PPP3CB: variants seen among roughly 807,000 people sequenced by gnomAD.
The protein encoded by PPP3CB is protein phosphatase 3 catalytic subunit beta, also known as serine/threonine-protein phosphatase 2B catalytic subunit beta isoform.
PPP3CB carries 8 observed loss-of-function variants against 66.4 expected under a neutral mutation model. The observed-to-expected ratio is 0.12, with a 90% CI of 0.07 to 0.22. PPP3CB has a LOEUF of 0.22. Among genes scored for constraint, PPP3CB ranks in the 10% least tolerant of loss-of-function variants. The pLI, the probability that PPP3CB is intolerant of heterozygous loss-of-function variation, is 1.00. For missense variants in PPP3CB, 319 were observed against 642.5 expected (o/e 0.50, Z 5.44); for synonymous variants, 208 against 221.2 (o/e 0.94, Z 0.53).
chr10:73,451,784 C>T (rs2056348949), intron 10 of PPP3CB, among the ~76,000 whole-genome samples: 2 of 142,420 alleles, frequency 1.4e-5, no homozygotes, highest in Admixed American at 7.4e-5. Flanking sequence ...CTCCATCTGT[C>T]GCCCAGGCTG....
rs573240658 is a variant in PPP3CB at position 73,459,621 on chromosome 10, C to G, written c.1109-5132G>C. On this transcript the variant is annotated intron_variant, in intron 9 of 13. Coordinates refer to ENST00000360663, the MANE Select transcript of PPP3CB (RefSeq NM_021132.4). ...TGTGCTATATCCATACAATAGACTA[C>G]TATTCCATCATAAAAAGGAATGTTG... is the stretch of plus-strand genomic sequence containing the variant. Among the ~76,000 whole-genome samples the G allele has an allele frequency of 2.0e-5, 3 of 152,364 alleles. No homozygotes were observed. The East Asian group carries it at 5.8e-4, about 29-fold the overall frequency.
chr10:73,454,281 T>C (rs1031705111), intron 10 of PPP3CB, 131 bp downstream of exon 10: 6 of 453,788 alleles, frequency 1.3e-5, no homozygotes, highest in African/African-American at 1.0e-4. Context: ...AAAAAGTAAC[T>C]TGTTACTTAT....
intron 10 of PPP3CB, among the ~76,000 whole-genome samples, chr10:73,451,172 T>C (rs1564550785): frequency 2.6e-5 from 4 of 151,956 alleles, no homozygotes; most frequent in Admixed American, 6.6e-5. Context: ...CTATTTAACA[T>C]ACTATTGCAA....
At position 73,471,173 on chromosome 10, in the gene PPP3CB, T is replaced by C. The variant is rs373930579; in HGVS notation, c.706A>G (p.Met236Val). Residue 236 changes from methionine (M) to valine (V), a missense_variant, in exon 6 of 14, where the codon ATG becomes GTG. By Grantham distance (21) the Met-to-Val change is conservative (BLOSUM62 1). This residue lies in a region of PPP3CB where 120 missense variants were observed against 331.2 expected (regional missense o/e 0.36). Coordinates refer to ENST00000360663, the MANE Select transcript of PPP3CB (RefSeq NM_021132.4). ...RFKEPPAFGP[M>V]CDLLWSDPSE... ...GGATCGGACCATAACAAGTCACACA[T>C]TGGTCCAAATGCAGGTGGCTCTTTG... is the stretch of plus-strand genomic sequence containing the variant. 9 of 1,609,468 alleles carry C rather than the reference T, an allele frequency of 5.6e-6. No homozygotes were observed. The highest frequency in any genetic ancestry group is 5.5e-5 in the South Asian group (5 of 90,730).
chr10:73,456,996 T>A (rs2132845784), intron 9 of PPP3CB, among the ~76,000 whole-genome samples: 1 of 152,152 alleles, frequency 6.6e-6, no homozygotes, highest in East Asian at 1.9e-4. Flanking sequence ...TAAAACCAAC[T>A]GAATTGTATG....
Position 73,452,009 on chromosome 10 carries a change from G to C in PPP3CB, c.1186+2403C>G, listed in dbSNP as rs546571484. Among the ~76,000 whole-genome samples, 397 of 151,756 alleles carry C rather than the reference G, an allele frequency of 2.6e-3. 3 individuals are homozygous for C. The highest frequency in any genetic ancestry group is 4.7e-3 in the Non-Finnish European group (316 of 67,944). The stretch of plus-strand genomic sequence containing the variant: ...GATCCACCCGCCTCAGCCTCCCAAA[G>C]TGCTGGGATTACAGGCGTGAGCCAC... On this transcript the variant is annotated intron_variant, in intron 10 of 13. Coordinates refer to ENST00000360663, the MANE Select transcript of PPP3CB (RefSeq NM_021132.4).
At chr10:73,464,603 A>T (rs1208173763) in intron 9 of PPP3CB, among the ~76,000 whole-genome samples, 1 of 152,168 alleles carries the variant, frequency 6.6e-6, no homozygotes, top group Admixed American at 6.5e-5. Context: ...AAAGTCCATA[A>T]CTTTTATCAG....
chr10:73,476,744 T>A (rs2056795688), intron 3 of PPP3CB, among the ~76,000 whole-genome samples: 2 of 152,178 alleles, frequency 1.3e-5, no homozygotes, highest in South Asian at 4.1e-4. Context: ...TGCCTGAAAT[T>A]TTTTTGTTAA....
rs2056259106 is a variant in PPP3CB, at chr10:73,446,582, A to G, written c.1187-9T>C. On this transcript the variant is annotated splice_polypyrimidine_tract_variant and intron_variant, in intron 10 of 13. Coordinates refer to ENST00000360663, the MANE Select transcript of PPP3CB (RefSeq NM_021132.4). ...CCGGGCTGCAGCTGAACCTACTTTC[A>G]ATGGAATAAATAGAGAGAAAGGCTC... 1 of 1,610,886 alleles carries G rather than the reference A, an allele frequency of 6.2e-7. No individual in the cohort carries two copies. Among genetic ancestry groups the G allele is most frequent in the African/African-American group, 1.3e-5 (1 of 74,792 alleles).
chr10:73,442,357 C>A (rs1564546544), intron 12 of PPP3CB, among the ~76,000 whole-genome samples: 1 of 152,144 alleles, frequency 6.6e-6, no homozygotes, highest in Non-Finnish European at 1.5e-5. Flanking sequence ...AAACAGAAGT[C>A]AACAAAGCAT....
intron 4 of PPP3CB, among the ~76,000 whole-genome samples, chr10:73,473,855 A>G (rs2056742325): frequency 6.6e-6 from 1 of 152,116 alleles, no homozygotes; most frequent in South Asian, 2.1e-4. Context: ...GATATTTAAA[A>G]AAACAAAAAA....
chr10:73,440,912 G>A (rs190114161), intron 12 of PPP3CB, among the ~76,000 whole-genome samples: 28 of 151,806 alleles, frequency 1.8e-4, no homozygotes, highest in Admixed American at 3.9e-4. Flanking sequence ...TCTTTTTTTC[G>A]CTCATTTCTG....
intron 2 of PPP3CB, among the ~76,000 whole-genome samples, chr10:73,479,094 C>A (rs2056835081): frequency 6.6e-6 from 1 of 152,170 alleles, no homozygotes; most frequent in Non-Finnish European, 1.5e-5. Context: ...GAAACCTTCA[C>A]AAAAGCATAT....
intron 10 of PPP3CB, among the ~76,000 whole-genome samples, chr10:73,452,113 A>G (rs1589689245): frequency 6.6e-6 from 1 of 152,168 alleles, no homozygotes; most frequent in East Asian, 1.9e-4. Flanking sequence ...AATTAACATA[A>G]TATCAATTAA....
At chr10:73,468,591 A>G (rs1418311146) in intron 8 of PPP3CB, among the ~76,000 whole-genome samples, 1 of 152,240 alleles carries the variant, frequency 6.6e-6, no homozygotes, top group Non-Finnish European at 1.5e-5. Flanking sequence ...ACATAAAAGT[A>G]TAAAATGTCT....
At chr10:73,480,694 C>G (rs968841048) in intron 1 of PPP3CB, among the ~76,000 whole-genome samples, 1 of 152,172 alleles carries the variant, frequency 6.6e-6, no homozygotes, top group Non-Finnish European at 1.5e-5. Context: ...ATCTGCCCGC[C>G]TTGGCTTCCC....
intron 10 of PPP3CB, among the ~76,000 whole-genome samples, chr10:73,450,545 C>G: frequency 6.6e-6 from 1 of 152,192 alleles, no homozygotes; most frequent in East Asian, 1.9e-4. Flanking sequence ...ATTCCTAAAA[C>G]TTTCTTAGAG....
chr10:73,466,458 T>G (rs547895559), intron 9 of PPP3CB, among the ~76,000 whole-genome samples: 1 of 152,290 alleles, frequency 6.6e-6, no homozygotes, highest in East Asian at 1.9e-4. Flanking sequence ...GTGAGCAGGA[T>G]GAATTATTTA....
intron 1 of PPP3CB, among the ~76,000 whole-genome samples, chr10:73,481,336 G>T (rs982738348): frequency 1.3e-5 from 2 of 151,436 alleles, no homozygotes; most frequent in African/African-American, 4.9e-5. Flanking sequence ...GCTGGGTGTG[G>T]TGGTGCACAC....
Sources: allele counts gnomAD v4.1 joint callset (sites outside exome capture counted in the v4.1 genomes callset), GRCh38; gene constraint gnomAD v4.1.1; regional missense constraint gnomAD v4.1.1; transcripts MANE v1.5; gene names NCBI Gene and HGNC (gene_info 2026-07-23, HGNC 2026-07-21).